DCC: variants seen among roughly 807,000 people sequenced by gnomAD.
The protein encoded by DCC is netrin receptor DCC.
In DCC, 58 loss-of-function variants were observed where a neutral mutation model predicts 172.5. That is an observed-to-expected ratio of 0.34 (90% CI 0.27 to 0.42). The LOEUF is 0.42. Ranked by LOEUF, DCC falls within the 10% of genes least tolerant of loss-of-function variation. DCC has a pLI of 1.00. For synonymous variants in DCC, 709 were observed against 644.5 expected, an observed-to-expected ratio of 1.10 and a Z score of -1.52; for missense variants, 1,740 against 1,791.0, an observed-to-expected ratio of 0.97 and a Z score of 0.51.
chr18:52,514,735 C>T (rs575148693), intron 1 of DCC, among the ~76,000 whole-genome samples: 1 of 152,246 alleles, frequency 6.6e-6, no homozygotes, highest in South Asian at 2.1e-4. Flanking sequence ...ATGTGATTGG[C>T]TCATTACCAT....
intron 12 of DCC, among the ~76,000 whole-genome samples, chr18:53,291,504 A>G (rs1398446286): frequency 6.6e-6 from 1 of 152,134 alleles, no homozygotes; most frequent in Non-Finnish European, 1.5e-5. Flanking sequence ...AATTCTATCT[A>G]GTTTCCATGT....
At chr18:53,221,861 C>A (rs747024657) in intron 12 of DCC, among the ~76,000 whole-genome samples, 3 of 152,154 alleles carry the variant, frequency 2.0e-5, no homozygotes, top group Non-Finnish European at 4.4e-5. Flanking sequence ...ATTGTCAGTG[C>A]TTTCAGAATA....
chr18:53,095,066 A>G (rs1261485442), intron 7 of DCC, among the ~76,000 whole-genome samples: 1 of 152,240 alleles, frequency 6.6e-6, no homozygotes, highest in African/African-American at 2.4e-5. Flanking sequence ...ACAGAAGTCA[A>G]CAAAGCCTAT....
chr18:53,170,678 T>A (rs2055000385), intron 8 of DCC, among the ~76,000 whole-genome samples: 1 of 152,216 alleles, frequency 6.6e-6, no homozygotes, highest in South Asian at 2.1e-4. Flanking sequence ...GCCATGTATT[T>A]TTCTTTAGAT....
chr18:52,752,406 T>C (rs1392949492), intron 2 of DCC, 32 bp downstream of exon 2: 1 of 1,482,752 alleles, frequency 6.7e-7, no homozygotes, highest in Admixed American at 1.7e-5. Flanking sequence ...TTCCTCCTCC[T>C]CCTTCCTCTC....
intron 1 of DCC, among the ~76,000 whole-genome samples, chr18:52,387,875 G>A (rs1985875859): frequency 6.6e-6 from 1 of 151,966 alleles, no homozygotes; most frequent in Non-Finnish European, 1.5e-5. Flanking sequence ...ATTTATAAAA[G>A]TTTAACCAAT....
At chr18:52,402,671 A>G (rs1187381897) in intron 1 of DCC, among the ~76,000 whole-genome samples, 1 of 151,974 alleles carries the variant, frequency 6.6e-6, no homozygotes, top group Non-Finnish European at 1.5e-5. Flanking sequence ...TAATGAGACT[A>G]TTTTCCTTAT....
At chr18:52,680,304 T>C (rs1476239895) in intron 1 of DCC, among the ~76,000 whole-genome samples, 1 of 152,104 alleles carries the variant, frequency 6.6e-6, no homozygotes, top group Admixed American at 6.6e-5. Context: ...CAAGAGGCTT[T>C]GAGATGCTAT....
At chr18:53,052,073 C>A (rs978472050) in intron 5 of DCC, among the ~76,000 whole-genome samples, 7 of 151,770 alleles carry the variant, frequency 4.6e-5, no homozygotes, top group Non-Finnish European at 8.8e-5. Flanking sequence ...CTGATGATAT[C>A]GAGTCTGATA....
chr18:52,956,062 A>G (rs1260114422), intron 5 of DCC, among the ~76,000 whole-genome samples: 1 of 151,724 alleles, frequency 6.6e-6, no homozygotes. Context: ...GAGGTTTTTA[A>G]TTTTAACGAA....
At chr18:52,681,817 A>G (rs1241229164) in intron 1 of DCC, among the ~76,000 whole-genome samples, 1 of 152,150 alleles carries the variant, frequency 6.6e-6, no homozygotes, top group Non-Finnish European at 1.5e-5. Context: ...TCGTAACAGA[A>G]AGCAGGGAGA....
chr18:52,893,166 C>CT (rs899781745), intron 2 of DCC, among the ~76,000 whole-genome samples: 15 of 151,836 alleles, frequency 9.9e-5, no homozygotes, highest in African/African-American at 1.4e-4. Context: ...TAGGCTTCTC[C>CT]TTTTTTTTGT....
At chr18:52,961,801 C>T (rs1187141322) in intron 5 of DCC, among the ~76,000 whole-genome samples, 3 of 151,782 alleles carry the variant, frequency 2.0e-5, no homozygotes, top group African/African-American at 7.3e-5. Context: ...AGAAATAATG[C>T]CGCATATCTA....
intron 2 of DCC, among the ~76,000 whole-genome samples, chr18:52,753,252 T>C (rs1321742326): frequency 2.0e-5 from 3 of 152,180 alleles, no homozygotes; most frequent in Non-Finnish European, 4.4e-5. Context: ...CAACGCACAT[T>C]TTTAAGAAAA....
intron 2 of DCC, among the ~76,000 whole-genome samples, chr18:52,868,033 G>GTGTGTATATA: frequency 8.3e-6 from 1 of 120,474 alleles, no homozygotes; most frequent in East Asian, 2.3e-4. Context: ...GTGTATGTGT[G>GTGTGTATATA]TATATATATA....
chr18:52,971,671 A>G (rs1458589274), intron 5 of DCC, among the ~76,000 whole-genome samples: 1 of 151,858 alleles, frequency 6.6e-6, no homozygotes. Flanking sequence ...TAATTCTTCT[A>G]CCTCTACCAC....
At chr18:52,965,742 A>G (rs565264943) in intron 5 of DCC, among the ~76,000 whole-genome samples, 2 of 152,294 alleles carry the variant, frequency 1.3e-5, no homozygotes, top group East Asian at 1.9e-4. Context: ...ACAGTGTGTC[A>G]TAAGTAATTT....
At chr18:52,768,342 C>G (rs1421681615) in intron 2 of DCC, among the ~76,000 whole-genome samples, 1 of 152,148 alleles carries the variant, frequency 6.6e-6, no homozygotes, top group East Asian at 1.9e-4. Context: ...TGCTGTGCCT[C>G]AGAAATTGCA....
chr18:53,051,151 G>T (rs915890129), intron 5 of DCC, among the ~76,000 whole-genome samples: 1 of 152,090 alleles, frequency 6.6e-6, no homozygotes, highest in African/African-American at 2.4e-5. Context: ...GAGCACTTGA[G>T]CCTGGGAGGT....
Sources: gnomAD v4.1 joint callset for allele counts (sites outside exome capture counted in the v4.1 genomes callset) on GRCh38, gnomAD v4.1.1 for gene constraint, MANE v1.5 for transcripts, NCBI Gene and HGNC (gene_info 2026-07-23, HGNC 2026-07-21) for gene names.